The following CERS3 variants were observed in gnomAD, a reference collection of about 807,000 sequenced individuals.
The protein encoded by CERS3 is LAG1 homolog, ceramide synthase 3.
In CERS3, 33 loss-of-function variants were observed where a neutral mutation model predicts 50.3. That is an observed-to-expected ratio of 0.66 (90% CI 0.50 to 0.88). The LOEUF is 0.88. Among genes scored for constraint, CERS3 ranks in the 40% least tolerant of loss-of-function variants. CERS3 has a pLI of 0.00. For missense variants in CERS3, 470 were observed against 460.3 expected (o/e 1.02, Z -0.19); for synonymous variants, 176 against 155.2 (o/e 1.13, Z -0.99).
chr15:100,538,145 C>T (rs187448895), intron 1 of CERS3, among the ~76,000 whole-genome samples: 1 of 152,342 alleles, frequency 6.6e-6, no homozygotes, highest in African/African-American at 2.4e-5. Flanking sequence ...TCATTTTGGC[C>T]AGCTCTGTCC....
intron 11 of CERS3, among the ~76,000 whole-genome samples, chr15:100,405,492 A>G (rs771967811): frequency 6.6e-5 from 10 of 152,234 alleles, no homozygotes; most frequent in Non-Finnish European, 1.3e-4. Flanking sequence ...CACACAATGA[A>G]ATGCTCCTAA....
chr15:100,417,819 A>G (rs1270164541), intron 11 of CERS3, among the ~76,000 whole-genome samples: 1 of 151,886 alleles, frequency 6.6e-6, no homozygotes, highest in Admixed American at 6.5e-5. Flanking sequence ...CAGCAAGGGC[A>G]CACTGACACC....
In CERS3 at chr15:100,466,840, C is replaced by CCTCTCTCCCTCTCTCTCT. The variant is rs1162475657; in HGVS notation, c.845+2537_845+2538insAGAGAGAGAGGGAGAGAG. Among the ~76,000 whole-genome samples, 6 of 28,312 alleles carry CCTCTCTCCCTCTCTCTCT rather than the reference C, an allele frequency of 2.1e-4. 1 individual carries two copies. The East Asian group carries it at 5.1e-3, about 24-fold the overall frequency. 18.6% of individuals were successfully genotyped at this position (28,312 alleles called of 152,430 possible). A position where few individuals can be genotyped will look rare whatever the true frequency, so the allele number is the denominator to read the frequency against. ...CCCTCTCTCCCTCTCTCCCTCTCTC[C>CCTCTCTCCCTCTCTCTCT]CTCTCTCTTTCTCTCTTTCTTTCTT... On this transcript the variant is annotated intron_variant, in intron 10 of 11. Coordinates refer to ENST00000679737, the MANE Select transcript of CERS3 (RefSeq NM_001378789.1).
intron 2 of CERS3, among the ~76,000 whole-genome samples, chr15:100,518,054 C>A (rs868716926): frequency 8.5e-5 from 13 of 152,184 alleles, no homozygotes; most frequent in South Asian, 4.1e-4. Flanking sequence ...CTCCCTCTGT[C>A]AGTGATCACC....
At chr15:100,522,089 C>T (rs2036657235) in intron 1 of CERS3, among the ~76,000 whole-genome samples, 1 of 152,240 alleles carries the variant, frequency 6.6e-6, no homozygotes, top group Non-Finnish European at 1.5e-5. Context: ...GACCGGCTTT[C>T]TAGGTCAGTT....
rs527886507 is a variant in CERS3, at chr15:100,513,684, T to C, written c.-2+7983A>G. Among the ~76,000 whole-genome samples, 4 of 152,060 alleles carry C rather than the reference T, an allele frequency of 2.6e-5. No individual in the cohort carries two copies. The East Asian group carries it at 7.7e-4, about 29-fold the overall frequency. Reference sequence around the variant, plus strand: ...TCCTAAGTAGCTGGGACCACAGGCATGCACTACCACACCCAGCTAGTTTTT... The same window carrying C: ...TCCTAAGTAGCTGGGACCACAGGCACGCACTACCACACCCAGCTAGTTTTT... On this transcript the variant is annotated intron_variant, in intron 2 of 11. Coordinates refer to ENST00000679737, the MANE Select transcript of CERS3 (RefSeq NM_001378789.1).
intron 2 of CERS3, among the ~76,000 whole-genome samples, chr15:100,520,995 C>T (rs981688666): frequency 1.3e-5 from 2 of 152,134 alleles, no homozygotes; most frequent in African/African-American, 4.8e-5. Context: ...CAATGTTGCA[C>T]CCACACTCAT....
intron 1 of CERS3, among the ~76,000 whole-genome samples, chr15:100,534,052 A>T (rs1208555785): frequency 6.6e-6 from 1 of 152,200 alleles, no homozygotes; most frequent in African/African-American, 2.4e-5. Flanking sequence ...AGGCCAGACC[A>T]TGTCACCATG....
At chr15:100,485,835 G>C (rs779331337) in intron 4 of CERS3, among the ~76,000 whole-genome samples, 27 of 152,146 alleles carry the variant, frequency 1.8e-4, no homozygotes, top group Admixed American at 6.5e-5. Context: ...CTGTACTCCA[G>C]CCTGGGCGAC....
At chr15:100,475,562 C>A (rs376065997) in intron 8 of CERS3, among the ~76,000 whole-genome samples, 1 of 152,172 alleles carries the variant, frequency 6.6e-6, no homozygotes, top group Non-Finnish European at 1.5e-5. Context: ...AAATACCTCA[C>A]TTTGTGACTT....
chr15:100,452,482 A>C (rs2034208980), intron 11 of CERS3, among the ~76,000 whole-genome samples: 3 of 152,274 alleles, frequency 2.0e-5, no homozygotes, highest in Admixed American at 6.5e-5. Context: ...CAACATATCA[A>C]AACCTATGAG....
chr15:100,443,258 C>A (rs1310303775), intron 11 of CERS3, among the ~76,000 whole-genome samples: 1 of 151,390 alleles, frequency 6.6e-6, no homozygotes, highest in Non-Finnish European at 1.5e-5. Context: ...ACCTAATCAC[C>A]CTTACCCCGC....
chr15:100,470,834 T>C (rs2034946816), intron 9 of CERS3, among the ~76,000 whole-genome samples: 2 of 152,074 alleles, frequency 1.3e-5, no homozygotes, highest in African/African-American at 4.8e-5. Context: ...GAGTGGTAGA[T>C]GTGAAGGCTG....
intron 11 of CERS3, among the ~76,000 whole-genome samples, chr15:100,417,324 C>T (rs1320854401): frequency 2.6e-5 from 4 of 151,722 alleles, no homozygotes; most frequent in Non-Finnish European, 4.4e-5. Context: ...GGGTGACGGA[C>T]GCACCTGGAA....
At chr15:100,410,813 G>A (rs568208751) in intron 11 of CERS3, among the ~76,000 whole-genome samples, 1 of 152,264 alleles carries the variant, frequency 6.6e-6, no homozygotes, top group South Asian at 2.1e-4. Context: ...AATTTCTGTG[G>A]CAAAATGCAC....
At chr15:100,525,266 G>C (rs1284950335) in intron 1 of CERS3, among the ~76,000 whole-genome samples, 1 of 152,164 alleles carries the variant, frequency 6.6e-6, no homozygotes, top group African/African-American at 2.4e-5. Flanking sequence ...CTTTCCATTA[G>C]ATTGAAACAT....
At chr15:100,427,082 G>A (rs2032855510) in intron 11 of CERS3, among the ~76,000 whole-genome samples, 1 of 152,186 alleles carries the variant, frequency 6.6e-6, no homozygotes, top group South Asian at 2.1e-4. Context: ...TGACCTCAGG[G>A]TAAGGGAACA....
At chr15:100,532,438 T>C (rs1253728275), upstream of CERS3, among the ~76,000 whole-genome samples, 1 of 152,194 alleles carries the variant, frequency 6.6e-6, no homozygotes, top group Non-Finnish European at 1.5e-5. Context: ...ACGTTTCAAA[T>C]GCTATTTGTC....
At chr15:100,516,245 A>G (rs2036484206) in intron 2 of CERS3, among the ~76,000 whole-genome samples, 1 of 152,192 alleles carries the variant, frequency 6.6e-6, no homozygotes, top group South Asian at 2.1e-4. Context: ...AAAATAACAA[A>G]CCAAAATGAG....
Sources: allele counts gnomAD v4.1 joint callset (sites outside exome capture counted in the v4.1 genomes callset), GRCh38; gene constraint gnomAD v4.1.1; transcripts MANE v1.5; gene names NCBI Gene and HGNC (gene_info 2026-07-23, HGNC 2026-07-21).